IGF2BP3: variants seen among roughly 807,000 people sequenced by gnomAD.
IGF2BP3 encodes insulin-like growth factor 2 mRNA-binding protein 3.
Under a neutral mutation model 73.8 loss-of-function variants are expected in IGF2BP3, and 9 were observed. That is an observed-to-expected ratio of 0.12 (90% CI 0.07 to 0.21). IGF2BP3 has a LOEUF of 0.21. IGF2BP3 is among the 10% of genes least tolerant of loss of function. The pLI is 1.00. For synonymous variants in IGF2BP3, 258 were observed against 256.7 expected (o/e 1.01, Z -0.05); for missense variants, 542 against 714.0 (o/e 0.76, Z 2.75).
intron 2 of IGF2BP3, among the ~76,000 whole-genome samples, chr7:23,457,283 G>C (rs977559469): frequency 2.0e-5 from 3 of 151,902 alleles, no homozygotes; most frequent in Non-Finnish European, 4.4e-5. Flanking sequence ...GGCCAACATG[G>C]CAAAACTCCG....
intron 7 of IGF2BP3, among the ~76,000 whole-genome samples, chr7:23,347,013 T>G (rs1479390929): frequency 6.6e-6 from 1 of 152,182 alleles, no homozygotes; most frequent in African/African-American, 2.4e-5. Context: ...CAAATTAAGG[T>G]TGGTAATGAG....
chr7:23,415,694 T>G (rs868148711), intron 3 of IGF2BP3: 4 of 165,276 alleles, frequency 2.4e-5, no homozygotes, highest in South Asian at 1.4e-4. Context: ...GGAGCTCCCA[T>G]GGCTCAGAAA....
chr7:23,430,286 T>C (rs998191476), intron 2 of IGF2BP3, among the ~76,000 whole-genome samples: 4 of 152,188 alleles, frequency 2.6e-5, no homozygotes, highest in Admixed American at 6.5e-5. Context: ...GGTTTCACCA[T>C]GCTGGCCAGG....
Position 23,344,657 on chromosome 7 carries a change from A to G in IGF2BP3, c.942-804T>C, listed in dbSNP as rs1376838325. ...TGTGCCATGGAAAACAGAACTAAGTACATAAATTGAGAGGATATGGATTAT... is the reference window on the plus strand; with the variant it reads ...TGTGCCATGGAAAACAGAACTAAGTGCATAAATTGAGAGGATATGGATTAT... On this transcript the variant is annotated intron_variant, in intron 8 of 14. Coordinates refer to ENST00000258729, the MANE Select transcript of IGF2BP3 (RefSeq NM_006547.3). 2.6e-5 allele frequency among the ~76,000 whole-genome samples: 4 copies of G among 152,236 alleles called. No individual in the cohort carries two copies. The South Asian group carries it at 8.3e-4, about 31-fold the overall frequency.
intron 5 of IGF2BP3, among the ~76,000 whole-genome samples, chr7:23,360,804 C>A (rs11983775): frequency 6.6e-6 from 1 of 152,138 alleles, no homozygotes; most frequent in African/African-American, 2.4e-5. Flanking sequence ...GTAGGTAGTT[C>A]AGGCTTCCAT....
At chr7:23,441,148 T>C (rs1787922883) in intron 2 of IGF2BP3, among the ~76,000 whole-genome samples, 4 of 152,142 alleles carry the variant, frequency 2.6e-5, no homozygotes. Context: ...ACTGAATAAA[T>C]AGCATCAAAA....
intron 3 of IGF2BP3, among the ~76,000 whole-genome samples, chr7:23,368,018 CA>C (rs1307587375): frequency 1.9e-4 from 29 of 150,692 alleles, no homozygotes; most frequent in Non-Finnish European, 3.8e-4. Context: ...CAAAAAAAAA[CA>C]AAAAAACAAA....
At chr7:23,360,168 A>G (rs2128507727) in intron 5 of IGF2BP3, among the ~76,000 whole-genome samples, 1 of 152,140 alleles carries the variant, frequency 6.6e-6, no homozygotes, top group East Asian at 1.9e-4. Flanking sequence ...CTCCAGCTCT[A>G]CAACACAATT....
intron 3 of IGF2BP3, among the ~76,000 whole-genome samples, chr7:23,406,316 A>G (rs1341478912): frequency 1.3e-5 from 2 of 152,120 alleles, no homozygotes; most frequent in African/African-American, 4.8e-5. Flanking sequence ...GAGAATCAAA[A>G]AGGGAAGCCT....
intron 2 of IGF2BP3, among the ~76,000 whole-genome samples, chr7:23,434,784 G>A (rs1787768499): frequency 6.6e-6 from 1 of 151,912 alleles, no homozygotes; most frequent in South Asian, 2.1e-4. Flanking sequence ...TTTCCTTCTA[G>A]TGAGATAGAA....
intron 2 of IGF2BP3, among the ~76,000 whole-genome samples, chr7:23,453,638 A>C (rs1788250531): frequency 6.6e-6 from 1 of 152,178 alleles, no homozygotes; most frequent in African/African-American, 2.4e-5. Context: ...AGGTATTCTC[A>C]TTTTAAGTTC....
chr7:23,323,613 A>G (rs1484731324), intron 10 of IGF2BP3, among the ~76,000 whole-genome samples: 1 of 151,384 alleles, frequency 6.6e-6, no homozygotes, highest in Non-Finnish European at 1.5e-5. Context: ...TCAACAGAAT[A>G]TACATTTTTT....
At chr7:23,319,109 C>G in intron 11 of IGF2BP3, 29 bp downstream of exon 11, 1 of 1,362,938 alleles carries the variant, frequency 7.3e-7, no homozygotes, top group Non-Finnish European at 1.0e-6. Context: ...ACTTAAAGAA[C>G]CAGAGAACCA....
intron 2 of IGF2BP3, among the ~76,000 whole-genome samples, chr7:23,450,061 T>A (rs1788161717): frequency 6.6e-6 from 1 of 152,234 alleles, no homozygotes; most frequent in Non-Finnish European, 1.5e-5. Flanking sequence ...AAGCTGCTGG[T>A]CCTTAGCATG....
At chr7:23,427,502 T>C (rs529902961) in intron 2 of IGF2BP3, among the ~76,000 whole-genome samples, 3 of 152,238 alleles carry the variant, frequency 2.0e-5, no homozygotes, top group African/African-American at 4.8e-5. Context: ...TCCCAGCACT[T>C]TGGGAGACCA....
At chr7:23,389,086 T>G (rs1786184570) in intron 3 of IGF2BP3, among the ~76,000 whole-genome samples, 1 of 152,090 alleles carries the variant, frequency 6.6e-6, no homozygotes, top group Non-Finnish European at 1.5e-5. Flanking sequence ...TCAATAAAGC[T>G]GTTTTTTAAA....
chr7:23,329,683 C>G (rs766104475), intron 10 of IGF2BP3, among the ~76,000 whole-genome samples: 4 of 152,068 alleles, frequency 2.6e-5, no homozygotes, highest in Non-Finnish European at 5.9e-5. Context: ...GATAAAAATT[C>G]AGGTTGAGGC....
chr7:23,325,907 C>T (rs1428826736), intron 10 of IGF2BP3, among the ~76,000 whole-genome samples: 1 of 152,176 alleles, frequency 6.6e-6, no homozygotes, highest in Admixed American at 6.5e-5. Context: ...CCCTTCCTTA[C>T]ACCTTATACA....
chr7:23,453,994 T>A (rs112316332), intron 2 of IGF2BP3, among the ~76,000 whole-genome samples: 15,912 of 152,114 alleles, frequency 0.1, 1,119 homozygotes, highest in East Asian at 0.36. Flanking sequence ...GCCTGGCTAA[T>A]TTTTGTTATT....
Sources: gnomAD v4.1 joint callset for allele counts (sites outside exome capture counted in the v4.1 genomes callset) on GRCh38, gnomAD v4.1.1 for gene constraint, MANE v1.5 for transcripts, NCBI Gene and HGNC (gene_info 2026-07-23, HGNC 2026-07-21) for gene names.